Variants in MAML2 observed in about 807,000 individuals in gnomAD.
MAML2 encodes mastermind like transcriptional coactivator 2.
Under a neutral mutation model 96.1 loss-of-function variants are expected in MAML2, and 22 were observed. The observed-to-expected ratio is 0.23, with a 90% CI of 0.16 to 0.33. The LOEUF is 0.33. Among genes scored for constraint, MAML2 ranks in the 10% least tolerant of loss-of-function variants. The pLI is 1.00. For synonymous variants in MAML2, 561 were observed against 521.3 expected, an observed-to-expected ratio of 1.08 and a Z score of -1.04; for missense variants, 1,367 against 1,392.4, an observed-to-expected ratio of 0.98 and a Z score of 0.29.
In MAML2 at chr11:95,979,461, G is replaced by A. The variant is rs773828674; in HGVS notation, c.2958C>T (p.Phe986=). 1.9e-6 allele frequency: 3 copies of A among 1,613,608 alleles called. No homozygotes were observed. The part of the protein sequence containing the change: ...QEALTSAGVR[F]PTGTPAAYTP... The stretch of plus-strand genomic sequence containing the variant: ...TATAGGCTGCAGGTGTACCTGTGGG[G>A]AAGCGGACTCCTGCAGACGTCAGGG... The change falls in exon 5 of 5, where the codon TTC becomes TTT. Residue 986 remains phenylalanine, a synonymous_variant. Transcript: ENST00000524717.
At chr11:96,241,400 G>A (rs1862435942) in intron 1 of MAML2, among the ~76,000 whole-genome samples, 1 of 152,156 alleles carries the variant, frequency 6.6e-6, no homozygotes, top group South Asian at 2.1e-4. Context: ...CTATTGCAGT[G>A]GTCCTTGACA....
chr11:96,038,432 G>A (rs1383930430), intron 2 of MAML2, among the ~76,000 whole-genome samples: 3 of 152,148 alleles, frequency 2.0e-5, no homozygotes, highest in East Asian at 1.9e-4. Flanking sequence ...AAGGAAAAAC[G>A]CAAAATAGAT....
chr11:96,239,665 C>T (rs981442838), intron 1 of MAML2, among the ~76,000 whole-genome samples: 1 of 152,102 alleles, frequency 6.6e-6, no homozygotes, highest in East Asian at 1.9e-4. Context: ...CATTTACTAA[C>T]TGTCCACTTG....
intron 1 of MAML2, among the ~76,000 whole-genome samples, chr11:96,291,416 T>G (rs1863208243): frequency 6.6e-6 from 1 of 152,124 alleles, no homozygotes; most frequent in Admixed American, 6.5e-5. Flanking sequence ...CATGAGCCAC[T>G]GCGCCCGGCC....
intron 1 of MAML2, among the ~76,000 whole-genome samples, chr11:96,274,077 C>CATTTTTTTTTTTTTTTTTTTTTT (rs1674736405): frequency 1.1e-5 from 1 of 91,792 alleles, no homozygotes; most frequent in Admixed American, 1.2e-4. Context: ...TTTCCTTTTC[C>CATTTTTTTTTTTTTTTTTTTTTT]TTTTTTTTTT....
intron 1 of MAML2, among the ~76,000 whole-genome samples, chr11:96,289,858 T>C (rs140360992): frequency 3.3e-5 from 5 of 150,288 alleles, no homozygotes; most frequent in Admixed American, 6.7e-5. Flanking sequence ...TTAAAGTCTT[T>C]TGATTACCAA....
intron 1 of MAML2, among the ~76,000 whole-genome samples, chr11:96,257,422 C>CT (rs1862683618): frequency 6.6e-6 from 1 of 152,216 alleles, no homozygotes; most frequent in Non-Finnish European, 1.5e-5. Context: ...TATGAACTCA[C>CT]TATATCTTGT....
At chr11:96,201,736 G>A (rs533147544) in intron 1 of MAML2, among the ~76,000 whole-genome samples, 4 of 151,818 alleles carry the variant, frequency 2.6e-5, no homozygotes, top group Non-Finnish European at 5.9e-5. Context: ...TGGCTAACAC[G>A]GTGAAACCCC....
At chr11:96,254,030 A>C (rs769595394) in intron 1 of MAML2, among the ~76,000 whole-genome samples, 26 of 152,344 alleles carry the variant, frequency 1.7e-4, no homozygotes, top group Admixed American at 1.0e-3. Flanking sequence ...TATCACTTAC[A>C]CTTTCTTTAA....
rs1282698949 is a variant in MAML2 at position 96,115,935 on chromosome 11, G to C, written c.514-22418C>G. ...TTTTCATAGGTCCCCAAAGAAACTG[G>C]CTTTGATGAACCTGAAGAGCTATCT... On this transcript the variant is annotated intron_variant, in intron 1 of 4. Coordinates refer to ENST00000524717, the MANE Select transcript of MAML2 (RefSeq NM_032427.4). Among the ~76,000 whole-genome samples the C allele has an allele frequency of 2.0e-5, 3 of 152,106 alleles. No individual in the cohort carries two copies. In the East Asian group the frequency reaches 5.8e-4, roughly 29 times the overall value.
At chr11:96,291,184 G>T (rs373725572) in intron 1 of MAML2, among the ~76,000 whole-genome samples, 48 of 121,442 alleles carry the variant, frequency 4.0e-4, no homozygotes, top group African/African-American at 1.4e-3. Context: ...GGAGTGCAAT[G>T]GCGCAATATC....
intron 1 of MAML2, among the ~76,000 whole-genome samples, chr11:96,179,282 A>G (rs980688839): frequency 2.6e-5 from 4 of 152,244 alleles, no homozygotes; most frequent in Non-Finnish European, 4.4e-5. Flanking sequence ...AAGGAAGGAT[A>G]TGAATAGATG....
At chr11:96,242,818 C>T (rs1862454166) in intron 1 of MAML2, among the ~76,000 whole-genome samples, 1 of 152,218 alleles carries the variant, frequency 6.6e-6, no homozygotes, top group Non-Finnish European at 1.5e-5. Context: ...TACAGCATCA[C>T]TTAGGTTTAC....
At chr11:96,018,358 A>G (rs1858386823) in intron 2 of MAML2, among the ~76,000 whole-genome samples, 3 of 152,172 alleles carry the variant, frequency 2.0e-5, no homozygotes, top group African/African-American at 2.4e-5. Flanking sequence ...AGAAATATAG[A>G]CTAGAAATAG....
chr11:96,322,796 C>A (rs1476578113), intron 1 of MAML2, among the ~76,000 whole-genome samples: 1 of 152,244 alleles, frequency 6.6e-6, no homozygotes, highest in East Asian at 1.9e-4. Flanking sequence ...CGTTTGCTTT[C>A]TCTTCAGATT....
intron 2 of MAML2, among the ~76,000 whole-genome samples, chr11:96,060,207 T>A (rs895629951): frequency 6.6e-6 from 1 of 152,210 alleles, no homozygotes; most frequent in Non-Finnish European, 1.5e-5. Flanking sequence ...ATGCAATAAC[T>A]AAAGAAATGT....
chr11:96,234,674 T>C (rs1862343171), intron 1 of MAML2, among the ~76,000 whole-genome samples: 1 of 152,172 alleles, frequency 6.6e-6, no homozygotes, highest in Non-Finnish European at 1.5e-5. Context: ...AGCACACATA[T>C]GCATGCACAT....
chr11:96,008,744 A>G (rs544996988), intron 2 of MAML2, among the ~76,000 whole-genome samples: 197 of 152,232 alleles, frequency 1.3e-3, no homozygotes, highest in Non-Finnish European at 2.4e-3. Flanking sequence ...TATTTGCTTC[A>G]TGTACATGTT....
chr11:96,219,010 C>A (rs1862093387), intron 1 of MAML2, among the ~76,000 whole-genome samples: 1 of 152,204 alleles, frequency 6.6e-6, no homozygotes, highest in African/African-American at 2.4e-5. Context: ...AAGGACCATT[C>A]TTTTCTTGGG....
Sources: allele counts gnomAD v4.1 joint callset (sites outside exome capture counted in the v4.1 genomes callset), GRCh38; gene constraint gnomAD v4.1.1; transcripts MANE v1.5; gene names NCBI Gene and HGNC (gene_info 2026-07-23, HGNC 2026-07-21).